The following ZBTB8B variants were observed in gnomAD, a reference collection of about 807,000 sequenced individuals.
ZBTB8B encodes zinc finger and BTB domain-containing protein 8B.
In ZBTB8B, 17 loss-of-function variants were observed where a neutral mutation model predicts 30.3. The observed-to-expected ratio is 0.56, with a 90% confidence interval of 0.38 to 0.84. The LOEUF (loss-of-function observed/expected upper bound fraction) is 0.84. Among genes scored for constraint, ZBTB8B ranks in the 40% least tolerant of loss-of-function variants. ZBTB8B has a pLI of 0.00. For missense variants in ZBTB8B, 515 were observed against 644.9 expected, an observed-to-expected ratio of 0.80 and a Z score of 2.18; for synonymous variants, 248 against 255.6, an observed-to-expected ratio of 0.97 and a Z score of 0.28.
rs1310991484 is a variant in ZBTB8B at position 32,492,969 on chromosome 1, G to A, written c.*7551G>A. ...TCCTATCCAGTAAACTTCCAGCTTT[G>A]GCATACTATATTTATAAGCAGTTTA... On this transcript the variant is annotated 3_prime_UTR_variant, in exon 4 of 4. Transcript: ENST00000609129. The A allele has an allele frequency of 1.3e-5, 2 of 152,000 alleles. No homozygotes were observed. Among genetic ancestry groups the A allele is most frequent in the Non-Finnish European group, 1.5e-5 (1 of 68,024 alleles). 9.4% of individuals were successfully genotyped at this position (152,000 alleles called of 1,614,324 possible).
At chr1:32,483,297 C>T (rs1176626593) in intron 3 of ZBTB8B, among the ~76,000 whole-genome samples, 1 of 148,880 alleles carries the variant, frequency 6.7e-6, no homozygotes, top group African/African-American at 2.5e-5. Context: ...TGGTGGCACG[C>T]GCCTGTAGTC....
Position 32,491,682 on chromosome 1 carries a change from C to G in ZBTB8B, c.*6264C>G, listed in dbSNP as rs1643780415. On this transcript the variant is annotated 3_prime_UTR_variant, in exon 4 of 4. Transcript: ENST00000609129. ...TCCAGTGTCCCTATAAAAGACATGC[C>G]TGTTCCAAGCGTCACTGTACTTAGG... 2 of 152,216 alleles carry G rather than the reference C, an allele frequency of 1.3e-5. No individual in the cohort carries two copies. The highest frequency in any genetic ancestry group is 4.1e-4 in the South Asian group (2 of 4,828). The allele number at this position is 152,216 out of a possible 1,614,324, so 9.4% of individuals were successfully genotyped here.
In ZBTB8B at chr1:32,470,839, C is replaced by T; in HGVS notation, c.215C>T (p.Thr72Ile). 6.4e-7 allele frequency: 1 copy of T among 1,551,912 alleles called. No individual in the cohort carries two copies. Among genetic ancestry groups the T allele is most frequent in the South Asian group, 1.2e-5 (1 of 84,068 alleles). ...RHSTASLDIVTSDAFSIILDF... is the reference protein window; with the variant it reads ...RHSTASLDIVISDAFSIILDF... ...AGCACCGCCTCCTTGGACATTGTCA[C>T]CTCTGATGCCTTCTCCATCATCTTA... is the stretch of plus-strand genomic sequence containing the variant. Residue 72 changes from threonine (T) to isoleucine (I), a missense_variant, in exon 2 of 4, where the codon ACC becomes ATC. Thr to Ile is a moderately conservative substitution (Grantham distance 89). Around this residue, in one of 3 missense-constraint regions of ZBTB8B, gnomAD observed 61 missense variants for 117.7 expected, o/e 0.52. Transcript: ENST00000609129.
Position 32,466,976 on chromosome 1 carries a change from G to T in ZBTB8B, c.-42+1871G>T, listed in dbSNP as rs148354306. ...GAGACCAGCCAGGGCAACATAGTGAGACCCCATCTCTACAAAAAAATGTTT... is the reference window on the plus strand; with the variant it reads ...GAGACCAGCCAGGGCAACATAGTGATACCCCATCTCTACAAAAAAATGTTT... On this transcript the variant is annotated intron_variant, in intron 1 of 3. Transcript: ENST00000609129. Among the ~76,000 whole-genome samples, 232 of 152,156 alleles carry T rather than the reference G, an allele frequency of 1.5e-3. 2 individuals are homozygous for T. Among genetic ancestry groups the T allele is most frequent in the Admixed American group, 0.015 (224 of 15,286 alleles).
chr1:32,474,509 G>A (rs1261977805), intron 2 of ZBTB8B, among the ~76,000 whole-genome samples: 10 of 150,414 alleles, frequency 6.6e-5, no homozygotes, highest in African/African-American at 2.5e-4. Flanking sequence ...TTCCAGCCTC[G>A]ATGACAGAGT....
Position 32,492,456 on chromosome 1 carries a change from C to T in ZBTB8B, c.*7038C>T, listed in dbSNP as rs1246842593. On this transcript the variant is annotated 3_prime_UTR_variant, in exon 4 of 4. Coordinates refer to ENST00000609129, the MANE Select transcript of ZBTB8B (RefSeq NM_001145720.2). ...TAGCTGGGATTACAGGCGCCCGCCA[C>T]CACGCCCGGCTAATTTTTGTATTTT... The T allele has an allele frequency of 2.6e-5, 4 of 152,432 alleles. No individual in the cohort carries two copies. Among genetic ancestry groups the T allele is most frequent in the Non-Finnish European group, 5.9e-5 (4 of 68,322 alleles). 9.4% of individuals were successfully genotyped at this position (152,432 alleles called of 1,614,324 possible). A position where few individuals can be genotyped will look rare whatever the true frequency, so the allele number is the denominator to read the frequency against.
In ZBTB8B at chr1:32,471,090, G is replaced by T; in HGVS notation, c.466G>T (p.Val156Phe). 3 of 1,551,256 alleles carry T rather than the reference G, an allele frequency of 1.9e-6. No homozygotes were observed. In the South Asian group the frequency reaches 3.6e-5, roughly 18 times the overall value. The change falls in exon 2 of 4, where the codon GTT becomes TTT. Residue 156 changes from valine (V) to phenylalanine (F), a missense_variant. By Grantham distance (50) the Val-to-Phe change is conservative. This residue lies in a region of ZBTB8B where 429 missense variants were observed against 504.3 expected (regional missense o/e 0.85). Coordinates refer to ENST00000609129, the MANE Select transcript of ZBTB8B (RefSeq NM_001145720.2). Reference protein sequence around the residue: ...AAAAAAAAHQVDSESPSSGRE... With the variant: ...AAAAAAAAHQFDSESPSSGRE... ...GGCGGCAGCAGCGGCGGCTCATCAGGTTGACAGTGAAAGCCCCAGTTCAGG... is the reference window on the plus strand; with the variant it reads ...GGCGGCAGCAGCGGCGGCTCATCAGTTTGACAGTGAAAGCCCCAGTTCAGG...
In ZBTB8B at chr1:32,490,541, TTTGG is replaced by T. The variant is rs1643772428; in HGVS notation, c.*5130_*5133del. 6.6e-6 allele frequency: 1 copy of T among 152,218 alleles called. No individual in the cohort carries two copies. The highest frequency in any genetic ancestry group is 1.5e-5 in the Non-Finnish European group (1 of 68,040). The allele number at this position is 152,218 out of a possible 1,614,324, so 9.4% of individuals were successfully genotyped here. A position where few individuals can be genotyped will look rare whatever the true frequency, so the allele number is the denominator to read the frequency against. On this transcript the variant is annotated 3_prime_UTR_variant, in exon 4 of 4. Transcript: ENST00000609129. ...GAAAAGTGTTTTGGGGTCAGAGTAG[TTTGG>T]TTGGTTCCTAAACATGTCCTAGTTT...
At chr1:32,478,801 G>A (rs1362908411) in intron 2 of ZBTB8B, among the ~76,000 whole-genome samples, 1 of 152,158 alleles carries the variant, frequency 6.6e-6, no homozygotes, top group Admixed American at 6.5e-5. Context: ...GAAAGACAGA[G>A]CCAGTTAGGT....
chr1:32,492,824 G>A lies in ZBTB8B; in HGVS notation c.*7406G>A, dbSNP rs1643788676. Reference sequence around the variant, plus strand: ...CAGTGTGTAATCACAGAGACTGGCAGTTATAACACGGCATGTTGGGTGTGA... The same window carrying A: ...CAGTGTGTAATCACAGAGACTGGCAATTATAACACGGCATGTTGGGTGTGA... On this transcript the variant is annotated 3_prime_UTR_variant, in exon 4 of 4. Transcript: ENST00000609129. 1 of 152,218 alleles carries A rather than the reference G, an allele frequency of 6.6e-6. No individual in the cohort carries two copies. The highest frequency in any genetic ancestry group is 2.1e-4 in the South Asian group (1 of 4,828). The allele number at this position is 152,218 out of a possible 1,614,324, so 9.4% of individuals were successfully genotyped here.
intron 2 of ZBTB8B, among the ~76,000 whole-genome samples, chr1:32,477,061 T>C (rs4970524): frequency 0.086 from 13,130 of 152,274 alleles, 832 homozygotes; most frequent in African/African-American, 0.18. Context: ...TATGCCTAAG[T>C]ACGTGTTCTT....
chr1:32,469,446 G>T (rs1225413500), intron 1 of ZBTB8B, among the ~76,000 whole-genome samples: 2 of 151,800 alleles, frequency 1.3e-5, no homozygotes, highest in Non-Finnish European at 2.9e-5. Context: ...GTAGAGATGG[G>T]GTTTTGCCAT....
chr1:32,481,185 AT>A (rs1643702271), intron 3 of ZBTB8B, 116 bp downstream of exon 3: 2 of 1,026,744 alleles, frequency 1.9e-6, no homozygotes, highest in East Asian at 5.8e-5. Context: ...TTTTCAGATA[AT>A]TTCCACGTAT....
chr1:32,474,635 A>G (rs2148182618), intron 2 of ZBTB8B, among the ~76,000 whole-genome samples: 1 of 152,316 alleles, frequency 6.6e-6, no homozygotes, highest in South Asian at 2.1e-4. Context: ...GGCTGCTTCC[A>G]TGAACACACC....
Position 32,494,619 on chromosome 1 carries a change from A to G in ZBTB8B, c.*9201A>G, listed in dbSNP as rs891917911. The G allele has an allele frequency of 6.6e-6, 1 of 152,156 alleles. No individual in the cohort carries two copies. Among genetic ancestry groups the G allele is most frequent in the Non-Finnish European group, 1.5e-5 (1 of 68,026 alleles). The allele number at this position is 152,156 out of a possible 1,614,324, so 9.4% of individuals were successfully genotyped here. A position where few individuals can be genotyped will look rare whatever the true frequency, so the allele number is the denominator to read the frequency against. On this transcript the variant is annotated 3_prime_UTR_variant, in exon 4 of 4. Coordinates refer to ENST00000609129, the MANE Select transcript of ZBTB8B (RefSeq NM_001145720.2). ...AATACCACACATATCTAAAACATAAACCACCATGGAACACACTCACACTCA... is the reference window on the plus strand; with the variant it reads ...AATACCACACATATCTAAAACATAAGCCACCATGGAACACACTCACACTCA...
At chr1:32,473,014 C>A (rs1643636025) in intron 2 of ZBTB8B, among the ~76,000 whole-genome samples, 1 of 152,198 alleles carries the variant, frequency 6.6e-6, no homozygotes, top group South Asian at 2.1e-4. Flanking sequence ...CTGCTTGTTT[C>A]TTTGAACAGT....
intron 2 of ZBTB8B, among the ~76,000 whole-genome samples, chr1:32,472,975 T>G (rs1190832917): frequency 2.0e-5 from 3 of 152,266 alleles, no homozygotes. Context: ...TTTTACATCC[T>G]TTGGTGGGCT....
At chr1:32,467,963 A>C (rs1335256515) in intron 1 of ZBTB8B, among the ~76,000 whole-genome samples, 1 of 151,862 alleles carries the variant, frequency 6.6e-6, no homozygotes, top group Non-Finnish European at 1.5e-5. Flanking sequence ...AAGTACAAAA[A>C]AAATTAGCCT....
chr1:32,483,094 A>G (rs1643718167), intron 3 of ZBTB8B, among the ~76,000 whole-genome samples: 1 of 151,622 alleles, frequency 6.6e-6, no homozygotes, highest in South Asian at 2.1e-4. Context: ...GTACACATTA[A>G]AAAGATAGTT....
Sources: gnomAD v4.1 joint callset for allele counts (sites outside exome capture counted in the v4.1 genomes callset) on GRCh38, gnomAD v4.1.1 for gene constraint, gnomAD v4.1.1 regional missense constraint, MANE v1.5 for transcripts, NCBI Gene and HGNC (gene_info 2026-07-23, HGNC 2026-07-21) for gene names.